The following CEP70 variants were observed in gnomAD, a reference collection of about 807,000 sequenced individuals.
CEP70 encodes the protein centrosomal protein of 70 kDa.
CEP70 carries 70 observed loss-of-function variants against 90.9 expected under a neutral mutation model. The observed-to-expected ratio is 0.77, with a 90% CI of 0.64 to 0.94. The LOEUF (loss-of-function observed/expected upper bound fraction) is 0.94, where lower values mean the gene tolerates loss of function less well. Ranked by LOEUF, CEP70 falls within the 40% of genes least tolerant of loss-of-function variation. CEP70 has a pLI of 0.00. For synonymous variants in CEP70, 220 were observed against 228.3 expected, an observed-to-expected ratio of 0.96 and a Z score of 0.33; for missense variants, 648 against 669.0, an observed-to-expected ratio of 0.97 and a Z score of 0.35.
At chr3:138,544,357 C>CA (rs59364039) in intron 6 of CEP70, among the ~76,000 whole-genome samples, 63 of 136,050 alleles carry the variant, frequency 4.6e-4, no homozygotes, top group East Asian at 4.5e-3. Flanking sequence ...ACTCAAAAGA[C>CA]AAAAAAAAAA....
intron 11 of CEP70, among the ~76,000 whole-genome samples, chr3:138,515,876 C>T (rs1434173527): frequency 6.6e-6 from 1 of 152,140 alleles, no homozygotes; most frequent in African/African-American, 2.4e-5. Context: ...CTCTCAATCT[C>T]CTATCTCATT....
intron 6 of CEP70, among the ~76,000 whole-genome samples, chr3:138,552,868 C>T (rs944898751): frequency 5.9e-5 from 9 of 151,906 alleles, no homozygotes; most frequent in African/African-American, 2.2e-4. Context: ...AACAAAAATA[C>T]AAAAGATAAA....
intron 7 of CEP70, chr3:138,536,932 G>T: frequency 3.9e-6 from 1 of 255,440 alleles, no homozygotes; most frequent in Non-Finnish European, 7.1e-6. Context: ...GATTAATTAT[G>T]AATTTATTTA....
chr3:138,563,809 A>T (rs71312584), intron 6 of CEP70, among the ~76,000 whole-genome samples: 2,485 of 152,290 alleles, frequency 0.016, 33 homozygotes, highest in South Asian at 0.06. Flanking sequence ...GAGCAAACAA[A>T]CTCAAAAACT....
intron 12 of CEP70, among the ~76,000 whole-genome samples, chr3:138,508,162 T>C (rs565479670): frequency 1.3e-5 from 2 of 152,250 alleles, no homozygotes; most frequent in African/African-American, 4.8e-5. Flanking sequence ...ATGGCTTACA[T>C]GGGGAAAGTA....
At chr3:138,591,056 G>A (rs2042357748) in intron 2 of CEP70, among the ~76,000 whole-genome samples, 1 of 152,142 alleles carries the variant, frequency 6.6e-6, no homozygotes, top group South Asian at 2.1e-4. Context: ...GAAAAGTAAA[G>A]GAAATGCTAA....
At chr3:138,508,399 CAA>C (rs2035192138) in intron 12 of CEP70, 38 bp downstream of exon 12, 4 of 1,284,176 alleles carry the variant, frequency 3.1e-6, no homozygotes, top group Non-Finnish European at 4.5e-6. Context: ...AGATTCATGA[CAA>C]ACATCAGTCT....
At chr3:138,563,447 G>A (rs1283516554) in intron 6 of CEP70, among the ~76,000 whole-genome samples, 1 of 152,112 alleles carries the variant, frequency 6.6e-6, no homozygotes, top group African/African-American at 2.4e-5. Context: ...ATAATTAGAA[G>A]TAAAACACTC....
intron 6 of CEP70, among the ~76,000 whole-genome samples, chr3:138,545,726 C>A (rs2039139470): frequency 6.6e-6 from 1 of 152,070 alleles, no homozygotes; most frequent in Non-Finnish European, 1.5e-5. Context: ...GGAATGCATT[C>A]CTGAGGGGAG....
intron 6 of CEP70, among the ~76,000 whole-genome samples, chr3:138,556,809 G>A (rs980976392): frequency 6.6e-6 from 1 of 152,088 alleles, no homozygotes; most frequent in African/African-American, 2.4e-5. Flanking sequence ...ACTTCACAAG[G>A]TAATAGAATA....
chr3:138,533,298 G>A (rs960066743), intron 7 of CEP70, among the ~76,000 whole-genome samples: 13 of 150,380 alleles, frequency 8.6e-5, no homozygotes, highest in African/African-American at 3.2e-4. Context: ...AAAAAAAAAA[G>A]AAAGAAAAAG....
At chr3:138,547,707 A>C (rs2039318710) in intron 6 of CEP70, among the ~76,000 whole-genome samples, 1 of 152,216 alleles carries the variant, frequency 6.6e-6, no homozygotes, top group East Asian at 1.9e-4. Context: ...GTACTGTGAT[A>C]CTATGACAGT....
chr3:138,577,501 A>G (rs1275269636), intron 2 of CEP70, among the ~76,000 whole-genome samples: 1 of 152,082 alleles, frequency 6.6e-6, no homozygotes, highest in African/African-American at 2.4e-5. Context: ...ATAAAAAATT[A>G]GCCGGGTGTG....
At chr3:138,571,962 T>A (rs1016740647) in intron 3 of CEP70, among the ~76,000 whole-genome samples, 2 of 152,124 alleles carry the variant, frequency 1.3e-5, no homozygotes, top group Non-Finnish European at 2.9e-5. Flanking sequence ...GTATTTTTAG[T>A]AGAGATGGGG....
intron 6 of CEP70, among the ~76,000 whole-genome samples, chr3:138,564,806 T>C (rs2040665220): frequency 6.6e-6 from 1 of 152,094 alleles, no homozygotes; most frequent in South Asian, 2.1e-4. Flanking sequence ...ATGCCCTCTC[T>C]CACCACTCCT....
At chr3:138,557,484 A>T (rs1004293602) in intron 6 of CEP70, among the ~76,000 whole-genome samples, 1 of 152,222 alleles carries the variant, frequency 6.6e-6, no homozygotes, top group African/African-American at 2.4e-5. Context: ...ATGTTCAGAG[A>T]CTGCAGTAAA....
At chr3:138,497,714 G>A (rs2034075953) in intron 17 of CEP70, 1 of 985,212 alleles carries the variant, frequency 1.0e-6, no homozygotes, top group Non-Finnish European at 1.2e-6. Flanking sequence ...GACCTTCTAA[G>A]ATCATAAATC....
At chr3:138,538,584 T>C (rs1331482876) in intron 6 of CEP70, among the ~76,000 whole-genome samples, 4 of 151,972 alleles carry the variant, frequency 2.6e-5, no homozygotes, top group African/African-American at 9.7e-5. Context: ...AAATAACTAA[T>C]CCTTCAATGA....
chr3:138,515,467 C>CAAAAAAAAAAAAAAAAAAAAAA (rs145902706), intron 11 of CEP70, among the ~76,000 whole-genome samples: 2 of 65,376 alleles, frequency 3.1e-5, no homozygotes, highest in Non-Finnish European at 2.8e-5. Flanking sequence ...CATAGAAATG[C>CAAAAAAAAAAAAAAAAAAAAAA]AAAAAAAAAA....
Sources: gnomAD v4.1 joint callset for allele counts (sites outside exome capture counted in the v4.1 genomes callset) on GRCh38, gnomAD v4.1.1 for gene constraint, MANE v1.5 for transcripts, NCBI Gene and HGNC (gene_info 2026-07-23, HGNC 2026-07-21) for gene names.